FBXL18: variants seen among roughly 807,000 people sequenced by gnomAD.
The protein encoded by FBXL18 is F-box and leucine rich repeat protein 18.
FBXL18 carries 36 observed loss-of-function variants against 46.0 expected under a neutral mutation model. The ratio of observed to expected loss-of-function variants is 0.78; its 90% CI spans 0.60 to 1.03. FBXL18 has a LOEUF of 1.03. FBXL18 is among the 50% of genes least tolerant of loss of function. The probability of loss-of-function intolerance (pLI) is 0.00; values close to 1 mark genes in which losing one functional copy is unlikely to be tolerated. For synonymous variants in FBXL18, 557 were observed against 465.3 expected, an observed-to-expected ratio of 1.20 and a Z score of -2.54; for missense variants, 977 against 1,004.1, an observed-to-expected ratio of 0.97 and a Z score of 0.36.
Position 5,469,084 on chromosome 7 carries a change from A to G in FBXL18, c.2001-21241T>C, listed in dbSNP as rs115416738. ...TGTGTGTGTCTGCATCTGTGTGGAC[A>G]TGTCTGAGTGACTATGTATGAAGAA... On this transcript the variant is annotated intron_variant and NMD_transcript_variant, in intron 4 of 6. Transcript: ENST00000415009. Among the ~76,000 whole-genome samples, 798 of 152,128 alleles carry G rather than the reference A, an allele frequency of 5.2e-3. 10 individuals carry two copies. The highest frequency in any genetic ancestry group is 0.018 in the African/African-American group (755 of 41,512).
chr7:5,512,401 G>A (rs1784564154), intron 1 of FBXL18, among the ~76,000 whole-genome samples: 1 of 151,580 alleles, frequency 6.6e-6, no homozygotes, highest in Non-Finnish European at 1.5e-5. Context: ...GATCACCTGA[G>A]GTCAGGAGTT....
chr7:5,501,544 A>T lies in FBXL18; in HGVS notation c.725T>A (p.Ile242Asn). The T allele has an allele frequency of 6.2e-7, 1 of 1,613,890 alleles. No individual in the cohort carries two copies. The highest frequency in any genetic ancestry group is 8.5e-7 in the Non-Finnish European group (1 of 1,180,000). Residue 242 changes from isoleucine to asparagine, a missense_variant, in exon 3 of 5, where the codon ATC becomes AAC. Physicochemically the swap from Ile to Asn is moderately radical, Grantham distance 149. Transcript: ENST00000382368. ...VFYARLAPGY[I>N]NQEVVRLYLA... ...GTAGAGCCGCACCACCTCCTGGTTGATGTAGCCGGGGGCCAGGCGCGCATA... is the reference window on the plus strand; with the variant it reads ...GTAGAGCCGCACCACCTCCTGGTTGTTGTAGCCGGGGGCCAGGCGCGCATA...
rs1214958726 is a variant in FBXL18 at position 5,468,349 on chromosome 7, C to A, written c.2001-20506G>T. On this transcript the variant is annotated intron_variant and NMD_transcript_variant, in intron 4 of 6. Transcript: ENST00000415009. ...AGCCAGGATGGCCTCGATCTCCTGA[C>A]CTCATGATCTGCCCGCCTTGGCCTC... 3.9e-5 allele frequency among the ~76,000 whole-genome samples: 6 copies of A among 152,260 alleles called. No homozygotes were observed. In the East Asian group the frequency reaches 9.7e-4, roughly 25 times the overall value.
intron 4 of FBXL18, among the ~76,000 whole-genome samples, chr7:5,461,091 C>A (rs1783237053): frequency 6.6e-6 from 1 of 152,190 alleles, no homozygotes; most frequent in Admixed American, 6.5e-5. Context: ...GGTGCCCAAC[C>A]CTCCCCGAAG....
intron 4 of FBXL18, among the ~76,000 whole-genome samples, chr7:5,463,486 G>A (rs1406349382): frequency 6.6e-6 from 1 of 151,450 alleles, no homozygotes; most frequent in Non-Finnish European, 1.5e-5. Context: ...GGGTGTGGTG[G>A]TGCATGCTTG....
Position 5,478,637 on chromosome 7 carries a change from T to A in FBXL18, c.*3138A>T, listed in dbSNP as rs6967673. ...AAGGGATACATACCCTTTCCCCTCCTCCCTCCCTCCAACCCCACAGTCTCT... is the reference window on the plus strand; with the variant it reads ...AAGGGATACATACCCTTTCCCCTCCACCCTCCCTCCAACCCCACAGTCTCT... On this transcript the variant is annotated 3_prime_UTR_variant, in exon 5 of 5. Transcript: ENST00000382368. The A allele has an allele frequency of 0.41, 61,885 of 152,090 alleles. 13,106 individuals are homozygous for A. The highest frequency in any genetic ancestry group is 0.53 in the South Asian group (2,568 of 4,844). 9.4% of individuals were successfully genotyped at this position (152,090 alleles called of 1,614,324 possible). A position where few individuals can be genotyped will look rare whatever the true frequency, so the allele number is the denominator to read the frequency against.
intron 4 of FBXL18, chr7:5,489,145 C>G (rs529248485): frequency 4.7e-6 from 2 of 429,748 alleles, no homozygotes; most frequent in African/African-American, 4.1e-5. Flanking sequence ...GGGCGGACCA[C>G]GACACCCAGA....
chr7:5,489,915 A>T, intron 4 of FBXL18: 3 of 1,154,098 alleles, frequency 2.6e-6, no homozygotes, highest in Non-Finnish European at 3.5e-6. Context: ...ACTGCACTCC[A>T]GCCTGGACGA....
In FBXL18 at chr7:5,505,575, C is replaced by G; in HGVS notation, c.74G>C (p.Gly25Ala). The G allele has an allele frequency of 6.2e-7, 1 of 1,613,998 alleles. No individual in the cohort carries two copies. ...ATCAGAGAACCCTAGGAGGTGGACCCCGTCTGCCATCCCGGCTGCTGCAGG... is the reference window on the plus strand; with the variant it reads ...ATCAGAGAACCCTAGGAGGTGGACCGCGTCTGCCATCCCGGCTGCTGCAGG... ...MHPAAAGMAD[G>A]VHLLGFSDEI... The change falls in exon 2 of 5, where the codon GGG (glycine) becomes GCG (alanine). Residue 25 changes from glycine (G) to alanine (A), a missense_variant. Gly to Ala is a moderately conservative substitution (Grantham distance 60). Transcript: ENST00000382368.
intron 4 of FBXL18, among the ~76,000 whole-genome samples, chr7:5,487,670 C>A (rs1324298588): frequency 1.3e-5 from 2 of 152,250 alleles, no homozygotes; most frequent in South Asian, 2.1e-4. Context: ...GAGGCTTGAA[C>A]AAGAGGCAAG....
Position 5,501,090 on chromosome 7 carries a change from G to A in FBXL18, c.1179C>T (p.Ala393=). Residue 393 remains alanine, a synonymous_variant, in exon 3 of 5, where the codon GCC becomes GCT. Coordinates refer to ENST00000382368, the MANE Select transcript of FBXL18 (RefSeq NM_024963.6). ...CCAGGCCCTCCGAGCTGTGGTGGTG[G>A]GCGGCCGAGAGGTTCAGGTGGCGCA... ...CNLRHLNLSA[A]HHHSSEGLGR... is the part of the protein sequence containing the mutation. 2 of 1,612,228 alleles carry A rather than the reference G, an allele frequency of 1.2e-6. No homozygotes were observed. Among genetic ancestry groups the A allele is most frequent in the Non-Finnish European group, 1.7e-6 (2 of 1,179,758 alleles).
Position 5,477,519 on chromosome 7 carries a change from A to T in FBXL18, c.*4256T>A, listed in dbSNP as rs1263566587. On this transcript the variant is annotated 3_prime_UTR_variant, in exon 5 of 5. Coordinates refer to ENST00000382368, the MANE Select transcript of FBXL18 (RefSeq NM_024963.6). This position sits in a 1 kb window ranked among gnomAD's most constrained non-coding sequence, Gnocchi z 4.4. ...GGAGTTCAAGGCCAGCCTGACCAACATGGTGCAACCCCATCTCTGCAAAAA... is the reference window on the plus strand; with the variant it reads ...GGAGTTCAAGGCCAGCCTGACCAACTTGGTGCAACCCCATCTCTGCAAAAA... Among the ~76,000 whole-genome samples the T allele has an allele frequency of 6.6e-6, 1 of 152,104 alleles. No homozygotes were observed. The highest frequency in any genetic ancestry group is 1.5e-5 in the Non-Finnish European group (1 of 68,014).
rs1325419455 is a variant in FBXL18, at chr7:5,501,096, C to G, written c.1173G>C (p.Ser391=). ...SCCNLRHLNL[S]AAHHHSSEGL... Reference sequence around the variant, plus strand: ...CCTCCGAGCTGTGGTGGTGGGCGGCCGAGAGGTTCAGGTGGCGCAGGTTGC... The same window carrying G: ...CCTCCGAGCTGTGGTGGTGGGCGGCGGAGAGGTTCAGGTGGCGCAGGTTGC... The change falls in exon 3 of 5, where the codon TCG becomes TCC. Residue 391 remains serine (S), a synonymous_variant. Coordinates refer to ENST00000382368, the MANE Select transcript of FBXL18 (RefSeq NM_024963.6). The G allele has an allele frequency of 1.9e-6, 3 of 1,612,442 alleles. No individual in the cohort carries two copies. Among genetic ancestry groups the G allele is most frequent in the African/African-American group, 2.7e-5 (2 of 74,928 alleles).
intron 3 of FBXL18, among the ~76,000 whole-genome samples, chr7:5,498,527 T>C (rs748897986): frequency 6.6e-6 from 1 of 152,252 alleles, no homozygotes; most frequent in Non-Finnish European, 1.5e-5. Context: ...AGTGCTGGGA[T>C]TACAGGCGTG....
chr7:5,480,549 T>TATATATATATA lies in FBXL18; in HGVS notation c.*1225_*1226insTATATATATAT, dbSNP rs1491478537. 3.1e-4 allele frequency: 9 copies of TATATATATATA among 28,628 alleles called. No individual in the cohort carries two copies. The highest frequency in any genetic ancestry group is 1.2e-3 in the African/African-American group (8 of 6,922). The allele number at this position is 28,628 out of a possible 1,614,324, so 1.8% of individuals were successfully genotyped here. A position where few individuals can be genotyped will look rare whatever the true frequency, so the allele number is the denominator to read the frequency against. On this transcript the variant is annotated 3_prime_UTR_variant, in exon 5 of 5. Coordinates refer to ENST00000382368, the MANE Select transcript of FBXL18 (RefSeq NM_024963.6). Reference sequence around the variant, plus strand: ...TTGAATATATATATATATATATATATTTTTTTTTTTTTTTTTTTTTTTTTT... The same window carrying TATATATATATA: ...TTGAATATATATATATATATATATATATATATATATATTTTTTTTTTTTTTTTTTTTTTTTT...
chr7:5,461,195 CA>C (rs1271825321), intron 4 of FBXL18, among the ~76,000 whole-genome samples: 2 of 152,166 alleles, frequency 1.3e-5, no homozygotes, highest in African/African-American at 4.8e-5. Flanking sequence ...CAGGGAATAA[CA>C]AGGGCAGGAG....
At chr7:5,484,281 C>A (rs1394488624) in intron 4 of FBXL18, among the ~76,000 whole-genome samples, 1 of 151,972 alleles carries the variant, frequency 6.6e-6, no homozygotes, top group Non-Finnish European at 1.5e-5. Context: ...TCCTGGCTAA[C>A]ACGGTGAAAC....
intron 3 of FBXL18, among the ~76,000 whole-genome samples, chr7:5,499,975 G>A (rs944400069): frequency 6.6e-5 from 10 of 151,704 alleles, no homozygotes; most frequent in Non-Finnish European, 1.3e-4. Flanking sequence ...TGAGGTAGGA[G>A]GATTAATTGA....
chr7:5,493,081 T>C (rs1040675545), intron 3 of FBXL18, among the ~76,000 whole-genome samples: 2 of 152,018 alleles, frequency 1.3e-5, no homozygotes, highest in Admixed American at 1.3e-4. Context: ...ACACTTATAA[T>C]CCCAGCCCTT....
Sources: allele counts gnomAD v4.1 joint callset (sites outside exome capture counted in the v4.1 genomes callset), GRCh38; gene constraint gnomAD v4.1.1; non-coding constraint Gnocchi (gnomAD v3.1); transcripts MANE v1.5; gene names NCBI Gene and HGNC (gene_info 2026-07-23, HGNC 2026-07-21).